C1R: variants seen among roughly 807,000 people sequenced by gnomAD.
The protein encoded by C1R is complement C1r subcomponent.
A neutral mutation model predicts 27.6 loss-of-function variants in C1R; 15 were observed. The ratio of observed to expected loss-of-function variants is 0.54; its 90% CI spans 0.36 to 0.84. The LOEUF (loss-of-function observed/expected upper bound fraction) is 0.84, where lower values mean the gene tolerates loss of function less well. C1R is among the 40% of genes least tolerant of loss of function. The probability of loss-of-function intolerance (pLI) is 0.01; values close to 1 mark genes in which losing one functional copy is unlikely to be tolerated. For synonymous variants in C1R, 253 were observed against 228.8 expected (o/e 1.11, Z -0.95); for missense variants, 544 against 577.9 (o/e 0.94, Z 0.60).
intron 8 of C1R, 85 bp downstream of exon 8, chr12:7,086,294 C>A: frequency 2.5e-6 from 1 of 398,034 alleles, no homozygotes; most frequent in South Asian, 1.4e-4. Context: ...GAGGCTTAGT[C>A]TGGACCCCTC....
intron 9 of C1R, among the ~76,000 whole-genome samples, chr12:7,084,914 T>C (rs1938117422): frequency 5.6e-5 from 8 of 144,128 alleles, no homozygotes; most frequent in Admixed American, 5.4e-4. Context: ...GGTAACAGTA[T>C]AGTGATGATG....
intron 2 of C1R, chr12:7,090,485 T>C: frequency 2.0e-6 from 1 of 511,230 alleles, no homozygotes; most frequent in Middle Eastern, 5.1e-4. Context: ...ACCTCACCCT[T>C]TCCCTGTTTT....
intron 9 of C1R, among the ~76,000 whole-genome samples, chr12:7,084,989 G>T (rs1938120435): frequency 6.7e-6 from 1 of 149,116 alleles, no homozygotes; most frequent in Non-Finnish European, 1.5e-5. Flanking sequence ...TGATGGTGTT[G>T]GTGGTGATGG....
At position 7,090,120 on chromosome 12, in the gene C1R, G is replaced by C; in HGVS notation, c.360C>G (p.Phe120Leu). ...TGATGGTCCCATTCTCCTCGTTGGA[G>C]AAGTCTGTGTGGAAGGTCAGCAGCA... ...NKMLLTFHTDFSNEENGTIMF... is the reference protein window; with the variant it reads ...NKMLLTFHTDLSNEENGTIMF... Residue 120 changes from phenylalanine (F) to leucine (L), a missense_variant, in exon 3 of 11, where the codon TTC becomes TTG. Physicochemically the swap from Phe to Leu is conservative, Grantham distance 22. This residue lies in a region of C1R where 291 missense variants were observed against 209.0 expected (regional missense o/e 1.39). Transcript: ENST00000647956. 3 of 777,684 alleles carry C rather than the reference G, an allele frequency of 3.9e-6. No individual in the cohort carries two copies. The East Asian group carries it at 7.3e-5, about 19-fold the overall frequency. 48.2% of individuals were successfully genotyped at this position (777,684 alleles called of 1,614,324 possible).
chr12:7,086,164 G>C (rs1336491507), intron 8 of C1R, 148 bp from the exon 9 acceptor site: 1 of 397,660 alleles, frequency 2.5e-6, no homozygotes, highest in African/African-American at 2.1e-5. Flanking sequence ...GACAGGAGTT[G>C]GGTGGTATGA....
intron 9 of C1R, among the ~76,000 whole-genome samples, chr12:7,084,984 G>T (rs1938119178): frequency 6.7e-6 from 1 of 149,686 alleles, no homozygotes; most frequent in Admixed American, 6.6e-5. Flanking sequence ...GCTGATGATG[G>T]TGTTGGTGGT....
chr12:7,088,728 A>G lies in C1R; in HGVS notation c.920T>C (p.Ile307Thr). The change falls in exon 7 of 11, where the codon ATC becomes ACC. Residue 307 changes from isoleucine (I) to threonine (T), a missense_variant. Coordinates refer to ENST00000647956, the MANE Select transcript of C1R (RefSeq NM_001733.7). Reference sequence around the variant, plus strand: ...TAGGGTCTTGGGCTGGGGGCACTTGATGACTGTTGGGGAGACCAGGGGGCA... The same window carrying G: ...TAGGGTCTTGGGCTGGGGGCACTTGGTGACTGTTGGGGAGACCAGGGGGCA... ...GWKLRYTTEI[I>T]KCPQPKTLDE... The G allele has an allele frequency of 1.3e-6, 1 of 777,778 alleles. No individual in the cohort carries two copies. The highest frequency in any genetic ancestry group is 2.4e-5 in the East Asian group (1 of 41,160). 48.2% of individuals were successfully genotyped at this position (777,778 alleles called of 1,614,324 possible). A position where few individuals can be genotyped will look rare whatever the true frequency, so the allele number is the denominator to read the frequency against.
intron 7 of C1R, chr12:7,086,723 GC>G (rs1199516177): frequency 2.2e-5 from 7 of 322,146 alleles, no homozygotes; most frequent in Non-Finnish European, 3.4e-5. Flanking sequence ...CTAGACTGTG[GC>G]CTGTTCCTAC....
At chr12:7,090,803 G>A (rs1938258190) in intron 2 of C1R, among the ~76,000 whole-genome samples, 1 of 152,058 alleles carries the variant, frequency 6.6e-6, no homozygotes, top group Admixed American at 6.6e-5. Flanking sequence ...GACTCTGCCA[G>A]CAAACGCCCT....
In C1R at chr12:7,082,147, G is replaced by A. The variant is rs775580498; in HGVS notation, c.1274-41C>T. 7 of 1,212,128 alleles carry A rather than the reference G, an allele frequency of 5.8e-6. No homozygotes were observed. In the South Asian group the frequency reaches 9.0e-5, roughly 16 times the overall value. 75.1% of individuals were successfully genotyped at this position (1,212,128 alleles called of 1,614,324 possible). ...GCAAGAATCAAGTTGGGGGGTGATGGGTAAGAAAACTAGGTTGCAGAGGCC... is the reference window on the plus strand; with the variant it reads ...GCAAGAATCAAGTTGGGGGGTGATGAGTAAGAAAACTAGGTTGCAGAGGCC... On this transcript the variant is annotated intron_variant, in intron 9 of 10. Transcript: ENST00000647956.
intron 7 of C1R, 101 bp downstream of exon 7, chr12:7,088,509 A>G (rs1411110531): frequency 2.8e-6 from 2 of 717,508 alleles, no homozygotes; most frequent in South Asian, 1.5e-5. Context: ...TGAAACGTCT[A>G]CGACTCCAGC....
At chr12:7,089,934 T>C (rs1938234694) in intron 3 of C1R, 122 bp downstream of exon 3, 1 of 700,138 alleles carries the variant, frequency 1.4e-6, no homozygotes. Flanking sequence ...GGAAAAGCTC[T>C]CTCGAGGGGA....
At chr12:7,085,800 A>C in intron 9 of C1R, 61 bp downstream of exon 9, 1 of 398,264 alleles carries the variant, frequency 2.5e-6, no homozygotes, top group Admixed American at 4.4e-5. Context: ...ACTGGGAGAA[A>C]TCTCAGAGGA....
chr12:7,089,187 G>T, intron 5 of C1R, 106 bp downstream of exon 5: 1 of 681,604 alleles, frequency 1.5e-6, no homozygotes, highest in Non-Finnish European at 2.7e-6. Flanking sequence ...GATGTTGGCC[G>T]TTCCTGCCCC....
At chr12:7,089,018 C>G (rs1457572310) in intron 5 of C1R, 32 bp from the exon 6 acceptor site, 1 of 697,056 alleles carries the variant, frequency 1.4e-6, no homozygotes, top group African/African-American at 1.8e-5. Flanking sequence ...TTTTTTTCAG[C>G]TTGGACGTTT....
intron 1 of C1R, chr12:7,092,052 G>A: frequency 1.8e-6 from 1 of 568,122 alleles, no homozygotes; most frequent in Non-Finnish European, 3.2e-6. Flanking sequence ...GCTCCCACAG[G>A]TTCAGCAAGA....
intron 9 of C1R, among the ~76,000 whole-genome samples, chr12:7,084,945 GTGA>G (rs1161683839): frequency 3.4e-5 from 5 of 148,238 alleles, no homozygotes; most frequent in East Asian, 2.0e-4. Context: ...TAGTGTGGTG[GTGA>G]TGATGATGTT....
intron 5 of C1R, 72 bp downstream of exon 5, chr12:7,089,221 A>T: frequency 1.4e-6 from 1 of 728,820 alleles, no homozygotes; most frequent in Non-Finnish European, 2.5e-6. Flanking sequence ...ATCCAGGAGG[A>T]AGTTGGGACA....
rs764133066 is a variant in C1R at position 7,088,601 on chromosome 12, G to A, written c.1038+9C>T. 2.8e-6 allele frequency: 2 copies of A among 720,262 alleles called. No individual in the cohort carries two copies. Among genetic ancestry groups the A allele is most frequent in the Admixed American group, 2.0e-5 (1 of 50,036 alleles). The allele number at this position is 720,262 out of a possible 1,614,324, so 44.6% of individuals were successfully genotyped here. A position where few individuals can be genotyped will look rare whatever the true frequency, so the allele number is the denominator to read the frequency against. ...GGCCGGCTCTCTCCCCTCAGCCCTG[G>A]GCTCTTACCTCTATGAGCTGGTAGC... On this transcript the variant is annotated intron_variant, in intron 7 of 10. Transcript: ENST00000647956.
Sources: gnomAD v4.1 joint callset for allele counts (sites outside exome capture counted in the v4.1 genomes callset) on GRCh38, gnomAD v4.1.1 for gene constraint, gnomAD v4.1.1 regional missense constraint, MANE v1.5 for transcripts, NCBI Gene and HGNC (gene_info 2026-07-23, HGNC 2026-07-21) for gene names.